The following DNAI4 variants were observed in gnomAD, a reference collection of about 807,000 sequenced individuals.
DNAI4 encodes the protein WD repeat domain 78.
DNAI4 carries 85 observed loss-of-function variants against 105.8 expected under a neutral mutation model. The ratio of observed to expected loss-of-function variants is 0.80; its 90% CI spans 0.67 to 0.96. The LOEUF is 0.96. Ranked by LOEUF, DNAI4 falls within the 40% of genes least tolerant of loss-of-function variation. DNAI4 has a pLI of 0.00. For synonymous variants in DNAI4, 352 were observed against 331.5 expected, an observed-to-expected ratio of 1.06 and a Z score of -0.67; for missense variants, 1,014 against 1,005.6, an observed-to-expected ratio of 1.01 and a Z score of -0.11.
At chr1:66,820,213 C>T (rs1308519539) in intron 16 of DNAI4, among the ~76,000 whole-genome samples, 1 of 150,546 alleles carries the variant, frequency 6.6e-6, no homozygotes, top group African/African-American at 2.4e-5. Context: ...TCAGAGTAGA[C>T]TAAAATTACT....
At chr1:66,873,763 T>G (rs1646899320) in intron 5 of DNAI4, among the ~76,000 whole-genome samples, 1 of 151,908 alleles carries the variant, frequency 6.6e-6, no homozygotes, top group South Asian at 2.1e-4. Flanking sequence ...GGTCTCCAGA[T>G]CCATATGTTA....
chr1:66,862,771 C>T (rs1316410046), intron 6 of DNAI4, among the ~76,000 whole-genome samples: 1 of 152,146 alleles, frequency 6.6e-6, no homozygotes, highest in Non-Finnish European at 1.5e-5. Context: ...TTCTGACCAT[C>T]ACACCTCCCT....
chr1:66,918,153 T>C (rs1650198171), intron 1 of DNAI4, among the ~76,000 whole-genome samples: 1 of 152,246 alleles, frequency 6.6e-6, no homozygotes, highest in Admixed American at 6.5e-5. Flanking sequence ...TAAAAGCCTA[T>C]GTAAAAATTT....
intron 3 of DNAI4, among the ~76,000 whole-genome samples, chr1:66,892,972 A>AGAG (rs1235369404): frequency 4.4e-5 from 6 of 137,120 alleles, no homozygotes; most frequent in African/African-American, 1.8e-4. Context: ...AAAGAAAGAA[A>AGAG]GAAAGAAAGA....
Position 66,814,041 on chromosome 1 carries a change from C to A in DNAI4, c.*89G>T. The A allele has an allele frequency of 3.3e-6, 3 of 903,862 alleles. No individual in the cohort carries two copies. The highest frequency in any genetic ancestry group is 4.9e-5 in the South Asian group (2 of 41,050). 56.0% of individuals were successfully genotyped at this position (903,862 alleles called of 1,614,324 possible). The stretch of plus-strand genomic sequence containing the variant: ...TACATCAAATATTGTTTTCTGAAAT[C>A]AAAATCTGGTGTACAGTATGTAATA... On this transcript the variant is annotated 3_prime_UTR_variant, in exon 17 of 17. Transcript: ENST00000371026.
At chr1:66,844,331 C>T (rs867435516) in intron 8 of DNAI4, among the ~76,000 whole-genome samples, 4 of 151,542 alleles carry the variant, frequency 2.6e-5, no homozygotes, top group African/African-American at 4.8e-5. Flanking sequence ...GAGGCTGAGG[C>T]GGGTGGATCA....
At chr1:66,824,317 G>A (rs1349574826) in intron 15 of DNAI4, among the ~76,000 whole-genome samples, 1 of 149,460 alleles carries the variant, frequency 6.7e-6, no homozygotes, top group Admixed American at 6.6e-5. Context: ...CTGTAGCCTT[G>A]TAGTATAGTT....
chr1:66,849,880 A>T (rs1646358572), intron 7 of DNAI4, among the ~76,000 whole-genome samples: 1 of 152,116 alleles, frequency 6.6e-6, no homozygotes, highest in Non-Finnish European at 1.5e-5. Flanking sequence ...TAAAACAGAC[A>T]GAAAAGTCTG....
intron 8 of DNAI4, among the ~76,000 whole-genome samples, chr1:66,841,833 A>T (rs1646155163): frequency 6.6e-6 from 1 of 152,234 alleles, no homozygotes; most frequent in African/African-American, 2.4e-5. Flanking sequence ...TATCATTCAA[A>T]GTCCATAGTT....
At chr1:66,819,776 A>G (rs1645588634) in intron 16 of DNAI4, among the ~76,000 whole-genome samples, 1 of 152,100 alleles carries the variant, frequency 6.6e-6, no homozygotes, top group East Asian at 1.9e-4. Context: ...TATCTCCAAC[A>G]CACAATAACA....
intron 1 of DNAI4, among the ~76,000 whole-genome samples, chr1:66,909,891 T>C (rs1429039796): frequency 6.6e-6 from 1 of 152,130 alleles, no homozygotes; most frequent in African/African-American, 2.4e-5. Flanking sequence ...TCAAAATACA[T>C]CTGGAATCCA....
At chr1:66,822,882 C>T (rs1035414855) in intron 15 of DNAI4, among the ~76,000 whole-genome samples, 2 of 133,072 alleles carry the variant, frequency 1.5e-5, no homozygotes, top group South Asian at 2.7e-4. Context: ...ATTTAATTCA[C>T]TAGAATTTGT....
chr1:66,893,119 AAG>A (rs771904136), intron 3 of DNAI4, 108 bp downstream of exon 3: 3 of 526,736 alleles, frequency 5.7e-6, no homozygotes, highest in African/African-American at 4.0e-5. Flanking sequence ...GAAAGAAAGA[AAG>A]AAACTGGGAG....
chr1:66,826,903 G>C lies in DNAI4; in HGVS notation c.2256C>G (p.Asp752Glu). The C allele has an allele frequency of 6.2e-7, 1 of 1,614,090 alleles. No individual in the cohort carries two copies. The change falls in exon 15 of 17, where the codon GAC (aspartate) becomes GAG (glutamate). Residue 752 changes from aspartate (D) to glutamate (E), a missense_variant. Transcript: ENST00000371026. ...AGGATGATTTTGGAGACCAGGCAACGTCGTAAACAACAGAAGTAGCTGGAT... is the reference window on the plus strand; with the variant it reads ...AGGATGATTTTGGAGACCAGGCAACCTCGTAAACAACAGAAGTAGCTGGAT... ...SFYPATSVVY[D>E]VAWSPKSSYI...
chr1:66,833,927 T>C (rs1304115625), intron 12 of DNAI4, 64 bp downstream of exon 12: 14 of 1,520,256 alleles, frequency 9.2e-6, no homozygotes, highest in Middle Eastern at 1.8e-4. Context: ...CTTTCACACA[T>C]GGTTAACTAG....
At chr1:66,848,898 G>A (rs2454320) in intron 7 of DNAI4, among the ~76,000 whole-genome samples, 116,812 of 152,120 alleles carry the variant, frequency 0.77, 45,314 homozygotes, top group Non-Finnish European at 0.82. Flanking sequence ...CCCATGTGAC[G>A]AAGGCCTAGA....
chr1:66,850,967 A>G (rs1646384414), intron 7 of DNAI4, among the ~76,000 whole-genome samples: 1 of 152,014 alleles, frequency 6.6e-6, no homozygotes, highest in African/African-American at 2.4e-5. Context: ...TAAGCAGAAA[A>G]GAACAGCAGA....
chr1:66,850,065 A>C (rs1646363734), intron 7 of DNAI4, among the ~76,000 whole-genome samples: 1 of 151,930 alleles, frequency 6.6e-6, no homozygotes, highest in South Asian at 2.1e-4. Flanking sequence ...TCAAGAAATG[A>C]ATAAATCACA....
At chr1:66,893,521 G>C (rs1342902481) in intron 2 of DNAI4, 108 bp from the exon 3 acceptor site, 1 of 717,764 alleles carries the variant, frequency 1.4e-6, no homozygotes, top group Non-Finnish European at 2.1e-6. Context: ...TTAGTATAAT[G>C]CTCCTATAAT....
Sources: gnomAD v4.1 joint callset for allele counts (sites outside exome capture counted in the v4.1 genomes callset) on GRCh38, gnomAD v4.1.1 for gene constraint, MANE v1.5 for transcripts, NCBI Gene and HGNC (gene_info 2026-07-23, HGNC 2026-07-21) for gene names.